TBC1D20: variants seen among roughly 807,000 people sequenced by gnomAD.
TBC1D20 encodes the protein TBC1 domain family member 20.
In TBC1D20, 12 loss-of-function variants were observed where a neutral mutation model predicts 41.6. The ratio of observed to expected loss-of-function variants is 0.29; its 90% confidence interval spans 0.18 to 0.47. The LOEUF (loss-of-function observed/expected upper bound fraction) is 0.47, where lower values mean the gene tolerates loss of function less well. TBC1D20 is among the 20% of genes least tolerant of loss of function. The pLI is 1.00. For missense variants in TBC1D20, 421 were observed against 517.4 expected (o/e 0.81, Z 1.81); for synonymous variants, 205 against 204.8 (o/e 1.00, Z -0.01).
At position 436,752 on chromosome 20, in the gene TBC1D20, T is replaced by C. The variant is rs2017125235; in HGVS notation, c.*1834A>G. 1 of 153,782 alleles carries C rather than the reference T, an allele frequency of 6.5e-6. No homozygotes were observed. The highest frequency in any genetic ancestry group is 6.5e-5 in the Admixed American group (1 of 15,274). The allele number at this position is 153,782 out of a possible 1,614,324, so 9.5% of individuals were successfully genotyped here. A position where few individuals can be genotyped will look rare whatever the true frequency, so the allele number is the denominator to read the frequency against. ...TAAATTAATCCATCGACATCACACT[T>C]ACCCCACAGTGGGGCTCCTGAGCCA... On this transcript the variant is annotated 3_prime_UTR_variant, in exon 8 of 8. Transcript: ENST00000354200.
chr20:455,217 TTTA>T (rs2017519888), intron 1 of TBC1D20, among the ~76,000 whole-genome samples: 1 of 152,176 alleles, frequency 6.6e-6, no homozygotes, highest in Non-Finnish European at 1.5e-5. Flanking sequence ...ATCTTCCTGG[TTTA>T]TACCTAGAGT....
chr20:447,800 G>T, intron 2 of TBC1D20, 89 bp downstream of exon 2: 1 of 1,204,164 alleles, frequency 8.3e-7, no homozygotes, highest in Non-Finnish European at 1.1e-6. Flanking sequence ...CCCTTGGTTT[G>T]AAAGGACCAT....
chr20:440,072 T>G (rs939786317), intron 6 of TBC1D20, among the ~76,000 whole-genome samples, 176 bp downstream of exon 6: 3 of 152,218 alleles, frequency 2.0e-5, no homozygotes, highest in Non-Finnish European at 4.4e-5. Context: ...CCCAACTTAC[T>G]ATTTTTTGTG....
intron 5 of TBC1D20, 51 bp downstream of exon 5, chr20:441,537 G>A (rs2017228909): frequency 6.8e-7 from 1 of 1,461,804 alleles, no homozygotes; most frequent in South Asian, 1.1e-5. Context: ...CAGGTGTGGG[G>A]GGGTGTGGGC....
At chr20:454,625 A>T (rs1442217399) in intron 1 of TBC1D20, among the ~76,000 whole-genome samples, 3 of 151,818 alleles carry the variant, frequency 2.0e-5, no homozygotes, top group Admixed American at 6.6e-5. Flanking sequence ...GTGAGTCTAC[A>T]AACTGTTTCT....
chr20:453,183 A>G (rs1353517321), intron 1 of TBC1D20, among the ~76,000 whole-genome samples: 4 of 118,440 alleles, frequency 3.4e-5, no homozygotes, highest in African/African-American at 1.3e-4. Flanking sequence ...AAAAAAAAAA[A>G]AAAAACAGGC....
Position 439,400 on chromosome 20 carries a change from G to T in TBC1D20, c.769-105C>A. On this transcript the variant is annotated intron_variant, in intron 6 of 7. Coordinates refer to ENST00000354200, the MANE Select transcript of TBC1D20 (RefSeq NM_144628.4). This position sits in a 1 kb window ranked among gnomAD's most constrained non-coding sequence, Gnocchi z 4.6. ...GATGAATTTAAACTGGTAACAGACAGGACTCAGCCCAAATGTTGAGCAAAC... is the reference window on the plus strand; with the variant it reads ...GATGAATTTAAACTGGTAACAGACATGACTCAGCCCAAATGTTGAGCAAAC... The T allele has an allele frequency of 1.2e-6, 1 of 845,004 alleles. No individual in the cohort carries two copies. Among genetic ancestry groups the T allele is most frequent in the African/African-American group, 1.7e-5 (1 of 58,744 alleles). 52.3% of individuals were successfully genotyped at this position (845,004 alleles called of 1,614,324 possible).
rs1187860492 is a variant in TBC1D20 at position 453,186 on chromosome 20, A to C, written c.71-5112T>G. Among the ~76,000 whole-genome samples the C allele has an allele frequency of 3.9e-5, 5 of 129,756 alleles. No homozygotes were observed. In the East Asian group the frequency reaches 6.4e-4, roughly 17 times the overall value. The allele number at this position is 129,756 out of a possible 152,430, so 85.1% of individuals were successfully genotyped here. ...AAAAAAAAAAAAAAAAAAAAAAAAA[A>C]AACAGGCTGGGCGCAGTGGCTCACG... On this transcript the variant is annotated intron_variant, in intron 1 of 7. Transcript: ENST00000354200.
At chr20:461,582 G>T (rs938112509) in intron 1 of TBC1D20, among the ~76,000 whole-genome samples, 1 of 152,114 alleles carries the variant, frequency 6.6e-6, no homozygotes, top group African/African-American at 2.4e-5. Flanking sequence ...GCCTGATCTC[G>T]AAATCCTGGC....
At chr20:451,862 G>A (rs1045237675) in intron 1 of TBC1D20, among the ~76,000 whole-genome samples, 1 of 152,106 alleles carries the variant, frequency 6.6e-6, no homozygotes, top group African/African-American at 2.4e-5. Context: ...TCTTAATGAT[G>A]GTTTGAGCCT....
At chr20:449,465 T>C (rs551553529) in intron 1 of TBC1D20, among the ~76,000 whole-genome samples, 32 of 148,684 alleles carry the variant, frequency 2.2e-4, no homozygotes, top group South Asian at 4.3e-4. Context: ...CGTGGTGGCA[T>C]GCACCTGTAA....
chr20:458,904 T>A (rs1255870455), intron 1 of TBC1D20, among the ~76,000 whole-genome samples: 2 of 152,170 alleles, frequency 1.3e-5, no homozygotes, highest in Non-Finnish European at 2.9e-5. Context: ...CGGCTGCTGT[T>A]TTTTTCAGGC....
chr20:443,733 A>G (rs375212256), intron 3 of TBC1D20, among the ~76,000 whole-genome samples: 26 of 152,192 alleles, frequency 1.7e-4, no homozygotes, highest in Non-Finnish European at 2.8e-4. Flanking sequence ...CCATGAATGG[A>G]AAAAGAATAT....
In TBC1D20 at chr20:437,796, T is replaced by A. The variant is rs1358272481; in HGVS notation, c.*790A>T. On this transcript the variant is annotated 3_prime_UTR_variant, in exon 8 of 8. Coordinates refer to ENST00000354200, the MANE Select transcript of TBC1D20 (RefSeq NM_144628.4). ...TTTTTTTTCCGTGAAGGAACTATTATTACTTTAAAAGTGAGGGTAATTTAC... is the reference window on the plus strand; with the variant it reads ...TTTTTTTTCCGTGAAGGAACTATTAATACTTTAAAAGTGAGGGTAATTTAC... 1 of 153,752 alleles carries A rather than the reference T, an allele frequency of 6.5e-6. No individual in the cohort carries two copies. Among genetic ancestry groups the A allele is most frequent in the African/African-American group, 2.4e-5 (1 of 41,434 alleles). The allele number at this position is 153,752 out of a possible 1,614,324, so 9.5% of individuals were successfully genotyped here. A position where few individuals can be genotyped will look rare whatever the true frequency, so the allele number is the denominator to read the frequency against.
At chr20:442,123 T>G in intron 3 of TBC1D20, 80 bp from the exon 4 acceptor site, 1 of 1,289,110 alleles carries the variant, frequency 7.8e-7, no homozygotes, top group Non-Finnish European at 1.0e-6. Flanking sequence ...CAGCAATGAA[T>G]TTTCAGAGAA....
At chr20:453,239 G>A (rs575482436) in intron 1 of TBC1D20, among the ~76,000 whole-genome samples, 3 of 144,768 alleles carry the variant, frequency 2.1e-5, no homozygotes, top group African/African-American at 5.1e-5. Flanking sequence ...TTGGGAGGCC[G>A]AAGTGGGCAG....
At chr20:441,829 G>A (rs200919065) in intron 4 of TBC1D20, 28 bp downstream of exon 4, 133 of 1,605,812 alleles carry the variant, frequency 8.3e-5, no homozygotes, top group East Asian at 3.1e-4. Context: ...AGTGATGCCC[G>A]TCGTCTTGTG....
At chr20:459,404 A>G (rs2017593616) in intron 1 of TBC1D20, among the ~76,000 whole-genome samples, 2 of 152,070 alleles carry the variant, frequency 1.3e-5, no homozygotes. Context: ...TTCTTCTCCA[A>G]TTTCTTTATT....
intron 1 of TBC1D20, among the ~76,000 whole-genome samples, chr20:462,113 G>A (rs1425976416): frequency 6.6e-6 from 1 of 152,196 alleles, no homozygotes; most frequent in Non-Finnish European, 1.5e-5. Flanking sequence ...TCTGCCGCCA[G>A]GCTCCCTCGG....
Sources: gnomAD v4.1 joint callset for allele counts (sites outside exome capture counted in the v4.1 genomes callset) on GRCh38, gnomAD v4.1.1 for gene constraint, Gnocchi (gnomAD v3.1) non-coding constraint, MANE v1.5 for transcripts, NCBI Gene and HGNC (gene_info 2026-07-23, HGNC 2026-07-21) for gene names.